FLT1: variants seen among roughly 807,000 people sequenced by gnomAD.
The protein encoded by FLT1 is vascular endothelial growth factor receptor 1.
In FLT1, 49 loss-of-function variants were observed where a neutral mutation model predicts 156.3. That is an observed-to-expected ratio of 0.31 (90% CI 0.25 to 0.40). The LOEUF is 0.40. Ranked by LOEUF, FLT1 falls within the 10% of genes least tolerant of loss-of-function variation. The pLI is 1.00. For missense variants in FLT1, 1,322 were observed against 1,637.2 expected, an observed-to-expected ratio of 0.81 and a Z score of 3.32; for synonymous variants, 594 against 583.8, an observed-to-expected ratio of 1.02 and a Z score of -0.25.
At chr13:28,409,799 A>G (rs992877830) in intron 10 of FLT1, among the ~76,000 whole-genome samples, 1 of 152,194 alleles carries the variant, frequency 6.6e-6, no homozygotes, top group Non-Finnish European at 1.5e-5. Flanking sequence ...TGGACATAGT[A>G]AGAAAAGACA....
chr13:28,450,064 T>A (rs565374974), intron 3 of FLT1, among the ~76,000 whole-genome samples: 77 of 152,230 alleles, frequency 5.1e-4, no homozygotes, highest in African/African-American at 1.7e-3. Flanking sequence ...TCAACAGATG[T>A]TTATGGAGAA....
rs1870600642 is a variant in FLT1, at chr13:28,303,473, T to C, written c.3816-105A>G. ...AGTGGGTCATTTGTTCATACCTGTC[T>C]AGAGTTCATGGTTTTGGAACCCCCC... On this transcript the variant is annotated intron_variant, in intron 29 of 29. Transcript: ENST00000282397. 13 of 984,686 alleles carry C rather than the reference T, an allele frequency of 1.3e-5. No individual in the cohort carries two copies. In the East Asian group the frequency reaches 3.5e-4, roughly 27 times the overall value. 61.0% of individuals were successfully genotyped at this position (984,686 alleles called of 1,614,324 possible).
chr13:28,330,128 G>C (rs574958945), intron 18 of FLT1, among the ~76,000 whole-genome samples: 238 of 152,332 alleles, frequency 1.6e-3, no homozygotes, highest in African/African-American at 5.5e-3. Flanking sequence ...TCTCCCTTTG[G>C]GGAGTCACAG....
At position 28,430,499 on chromosome 13, in the gene FLT1, G is replaced by A. The variant is rs922745265; in HGVS notation, c.989-332C>T. 3.9e-5 allele frequency among the ~76,000 whole-genome samples: 6 copies of A among 152,142 alleles called. 1 individual carries two copies. The South Asian group carries it at 1.2e-3, about 32-fold the overall frequency. ...TCTACCTGGCCACTATAAGCAAGGT[G>A]AGAAAAAGTTGCTCTGTACACCCTA... On this transcript the variant is annotated intron_variant, in intron 7 of 29. Coordinates refer to ENST00000282397, the MANE Select transcript of FLT1 (RefSeq NM_002019.4).
At chr13:28,445,402 G>A (rs557686766) in intron 3 of FLT1, among the ~76,000 whole-genome samples, 20 of 152,168 alleles carry the variant, frequency 1.3e-4, no homozygotes, top group Non-Finnish European at 1.9e-4. Flanking sequence ...CTTGAACCCA[G>A]GTGGCAGAGG....
intron 14 of FLT1, among the ~76,000 whole-genome samples, chr13:28,379,576 C>G (rs967455532): frequency 1.3e-5 from 2 of 152,160 alleles, no homozygotes; most frequent in South Asian, 2.1e-4. Context: ...GGGAGTTGGG[C>G]ACGCGCAGCA....
At position 28,398,950 on chromosome 13, in the gene FLT1, T is replaced by C; in HGVS notation, c.1552-1882A>G. 4 of 869,474 alleles carry C rather than the reference T, an allele frequency of 4.6e-6. No individual in the cohort carries two copies. In the Admixed American group the frequency reaches 8.0e-5, roughly 17 times the overall value. The allele number at this position is 869,474 out of a possible 1,614,324, so 53.9% of individuals were successfully genotyped here. ...TACGAAAGAGAGCTCAGGTGTCCCT[T>C]TTCTTATTTTGATGATGAATCTTTT... On this transcript the variant is annotated intron_variant, in intron 11 of 29. Transcript: ENST00000282397.
chr13:28,456,795 CAAAA>C (rs34237824), intron 3 of FLT1, among the ~76,000 whole-genome samples: 1 of 129,812 alleles, frequency 7.7e-6, no homozygotes, highest in African/African-American at 2.7e-5. Context: ...GACTCCCTCT[CAAAA>C]AAAAAAAAAG....
At chr13:28,444,439 T>TA (rs1366666912) in intron 3 of FLT1, among the ~76,000 whole-genome samples, 15 of 147,898 alleles carry the variant, frequency 1.0e-4, no homozygotes, top group Middle Eastern at 3.5e-3. Flanking sequence ...AGACTCCACT[T>TA]AAAAAAAAAA....
intron 15 of FLT1, among the ~76,000 whole-genome samples, chr13:28,346,984 T>G (rs1872588876): frequency 6.6e-6 from 1 of 151,926 alleles, no homozygotes; most frequent in Admixed American, 6.6e-5. Flanking sequence ...CCGGAGGAGA[T>G]AGAAAGATTA....
chr13:28,494,801 G>A lies in FLT1; in HGVS notation c.43C>T (p.Leu15Phe). The A allele has an allele frequency of 6.3e-7, 1 of 1,575,334 alleles. No individual in the cohort carries two copies. Reference protein sequence around the residue: ...WDTGVLLCALLSCLLLTGSSS... With the variant: ...WDTGVLLCALFSCLLLTGSSS... ...TCACCTGTGAGAAGCAGACAGCTGA[G>A]CAGCGCGCACAGCAGGACCCCGGTG... The change falls in exon 1 of 30, where the codon CTC becomes TTC. Residue 15 changes from leucine (L) to phenylalanine (F), a missense_variant. By Grantham distance (22) the Leu-to-Phe change is conservative. Coordinates refer to ENST00000282397, the MANE Select transcript of FLT1 (RefSeq NM_002019.4).
Position 28,433,829 on chromosome 13 carries a change from T to C in FLT1, c.803A>G (p.Tyr268Cys), listed in dbSNP as rs1201738240. The C allele has an allele frequency of 6.2e-7, 1 of 1,613,870 alleles. No individual in the cohort carries two copies. The highest frequency in any genetic ancestry group is 2.2e-5 in the East Asian group (1 of 44,886). ...LNTRVQMTWS[Y>C]PDEKNKRASV... ...AAATGGGTCACTCACTTCATCAGGG[T>C]AACTCCAGGTCATTTGAACTCTCGT... The change falls in exon 6 of 30, where the codon TAC becomes TGC. Residue 268 changes from tyrosine (Y) to cysteine (C), a missense_variant. This residue lies in a region of FLT1 where 991 missense variants were observed against 1,254.8 expected (regional missense o/e 0.79). Transcript: ENST00000282397.
At chr13:28,445,306 T>A (rs1878554504) in intron 3 of FLT1, among the ~76,000 whole-genome samples, 1 of 151,984 alleles carries the variant, frequency 6.6e-6, no homozygotes, top group Admixed American at 6.6e-5. Flanking sequence ...TGAAAACCCA[T>A]CTCTACTAAA....
chr13:28,474,508 A>G (rs1381589403), intron 1 of FLT1, among the ~76,000 whole-genome samples: 2 of 135,070 alleles, frequency 1.5e-5, no homozygotes, highest in East Asian at 3.9e-4. Context: ...ACACACACAC[A>G]CACACACACA....
intron 15 of FLT1, among the ~76,000 whole-genome samples, chr13:28,356,186 A>C (rs1426842750): frequency 6.6e-6 from 1 of 151,994 alleles, no homozygotes; most frequent in African/African-American, 2.4e-5. Flanking sequence ...ACCTCTCTGG[A>C]GGTTTATCAC....
intron 8 of FLT1, among the ~76,000 whole-genome samples, chr13:28,428,524 T>C (rs980026434): frequency 6.6e-6 from 1 of 151,772 alleles, no homozygotes; most frequent in African/African-American, 2.4e-5. Context: ...TAAAAACGTA[T>C]TAAATACTGA....
intron 3 of FLT1, among the ~76,000 whole-genome samples, chr13:28,447,309 G>C (rs1878675337): frequency 6.6e-6 from 1 of 151,604 alleles, no homozygotes; most frequent in Non-Finnish European, 1.5e-5. Flanking sequence ...CTCCTGAGTA[G>C]CTCAGACTAT....
chr13:28,368,265 G>T lies in FLT1; in HGVS notation c.2117-10580C>A, dbSNP rs1873377183. 8 of 356,544 alleles carry T rather than the reference G, an allele frequency of 2.2e-5. No individual in the cohort carries two copies. The South Asian group carries it at 4.7e-4, about 21-fold the overall frequency. 22.1% of individuals were successfully genotyped at this position (356,544 alleles called of 1,614,324 possible). A position where few individuals can be genotyped will look rare whatever the true frequency, so the allele number is the denominator to read the frequency against. On this transcript the variant is annotated intron_variant, in intron 14 of 29. Transcript: ENST00000282397. Reference sequence around the variant, plus strand: ...CCTCCTGGGTTCAAGTGATTCTCCTGTCTCAGCCTCCCGAGTAGCTGGCAT... The same window carrying T: ...CCTCCTGGGTTCAAGTGATTCTCCTTTCTCAGCCTCCCGAGTAGCTGGCAT...
At chr13:28,373,730 C>T (rs999206279) in intron 14 of FLT1, among the ~76,000 whole-genome samples, 5 of 151,750 alleles carry the variant, frequency 3.3e-5, no homozygotes, top group African/African-American at 1.2e-4. Flanking sequence ...TGAGATCCCT[C>T]TCACTCTAAG....
Sources: gnomAD v4.1 joint callset for allele counts (sites outside exome capture counted in the v4.1 genomes callset) on GRCh38, gnomAD v4.1.1 for gene constraint, gnomAD v4.1.1 regional missense constraint, MANE v1.5 for transcripts, NCBI Gene and HGNC (gene_info 2026-07-23, HGNC 2026-07-21) for gene names.